The following CAVIN2 variants were observed in gnomAD, a reference collection of about 807,000 sequenced individuals.
CAVIN2 encodes the protein caveolae-associated protein 2.
CAVIN2 carries 13 observed loss-of-function variants against 11.7 expected under a neutral mutation model. The ratio of observed to expected loss-of-function variants is 1.11; its 90% CI spans 0.72 to 1.77. CAVIN2 has a LOEUF of 1.77. CAVIN2 is among the 40% of genes most tolerant of loss of function. The probability of loss-of-function intolerance (pLI) is 0.00; values close to 1 mark genes in which losing one functional copy is unlikely to be tolerated. For synonymous variants in CAVIN2, 237 were observed against 223.2 expected (o/e 1.06, Z -0.55); for missense variants, 549 against 542.9 (o/e 1.01, Z -0.11).
intron 1 of CAVIN2, among the ~76,000 whole-genome samples, chr2:191,838,522 CAA>C (rs1690051980): frequency 6.6e-6 from 1 of 152,020 alleles, no homozygotes; most frequent in African/African-American, 2.4e-5. Context: ...TTGTGTTTCC[CAA>C]AACTCTCTCC....
At position 191,836,235 on chromosome 2, in the gene CAVIN2, C is replaced by T. The variant is rs747134781; in HGVS notation, c.966G>A (p.Glu322=). 3.7e-6 allele frequency: 6 copies of T among 1,614,082 alleles called. No individual in the cohort carries two copies. In the South Asian group the frequency reaches 4.4e-5, roughly 12 times the overall value. Residue 322 remains glutamate (E), a synonymous_variant, in exon 2 of 2, where the codon GAG becomes GAA. Coordinates refer to ENST00000304141, the MANE Select transcript of CAVIN2 (RefSeq NM_004657.6). ...CCTCTTCCTGGTCATTTGGCATCTG[C>T]TCACTGCTAGGCAGGTCTTCTGACT... is the stretch of plus-strand genomic sequence containing the variant. ...ETKSEDLPSS[E]QMPNDQEEES...
At position 191,836,004 on chromosome 2, in the gene CAVIN2, G is replaced by T; in HGVS notation, c.1197C>A (p.Tyr399Ter). The T allele has an allele frequency of 1.9e-6, 3 of 1,614,184 alleles. No individual in the cohort carries two copies. Among genetic ancestry groups the T allele is most frequent in the Non-Finnish European group, 2.5e-6 (3 of 1,180,040 alleles). ...QAQKVRYEGS[Y>*]ALTSEEAERS... ...GCTCCGCCTCCTCGGATGTTAGCGC[G>T]TAGCTACCCTCATAGCGTACCTTCT... Residue 399 changes from tyrosine to a stop codon, truncating the protein, a stop_gained, in exon 2 of 2, where the codon TAC (tyrosine) becomes TAA (stop). Coordinates refer to ENST00000304141, the MANE Select transcript of CAVIN2 (RefSeq NM_004657.6). LOFTEE classifies it low-confidence loss of function (END_TRUNC).
At position 191,836,001 on chromosome 2, in the gene CAVIN2, C is replaced by T. The variant is rs1461030649; in HGVS notation, c.1200G>A (p.Ala400=). The change falls in exon 2 of 2, where the codon GCG becomes GCA. Residue 400 remains alanine (A), a synonymous_variant. Transcript: ENST00000304141. ...AQKVRYEGSY[A]LTSEEAERSD... ...AGCGCTCCGCCTCCTCGGATGTTAG[C>T]GCGTAGCTACCCTCATAGCGTACCT... is the stretch of plus-strand genomic sequence containing the variant. The T allele has an allele frequency of 1.2e-6, 2 of 1,614,216 alleles. No individual in the cohort carries two copies. Among genetic ancestry groups the T allele is most frequent in the South Asian group, 1.1e-5 (1 of 91,078 alleles).
intron 1 of CAVIN2, among the ~76,000 whole-genome samples, chr2:191,842,135 T>A (rs762626204): frequency 2.0e-5 from 3 of 152,242 alleles, no homozygotes; most frequent in Non-Finnish European, 4.4e-5. Flanking sequence ...GTTACACTTT[T>A]AGCGTCTCTC....
chr2:191,844,790 C>G (rs929052907), intron 1 of CAVIN2, among the ~76,000 whole-genome samples: 3 of 152,098 alleles, frequency 2.0e-5, no homozygotes, highest in Non-Finnish European at 2.9e-5. Flanking sequence ...ATCCCTCCCC[C>G]CAACATCTGC....
In CAVIN2 at chr2:191,847,028, C is replaced by G. The variant is rs1045939158; in HGVS notation, c.-103G>C. On this transcript the variant is annotated 5_prime_UTR_variant, in exon 1 of 2. Coordinates refer to ENST00000304141, the MANE Select transcript of CAVIN2 (RefSeq NM_004657.6). ...AGGATGAGGCCCGCTGGTTGGAGCT[C>G]AGGGCACCAGTCTCCAGGACTGGCA... The G allele has an allele frequency of 7.7e-6, 11 of 1,432,254 alleles. No individual in the cohort carries two copies. In the Admixed American group the frequency reaches 2.6e-4, roughly 33 times the overall value. The allele number at this position is 1,432,254 out of a possible 1,614,324, so 88.7% of individuals were successfully genotyped here.
intron 1 of CAVIN2, among the ~76,000 whole-genome samples, chr2:191,840,652 G>A (rs1170689043): frequency 6.6e-6 from 1 of 152,164 alleles, no homozygotes; most frequent in Non-Finnish European, 1.5e-5. Context: ...AGACAAACTT[G>A]CTAACATGCT....
rs1690054283 is a variant in CAVIN2 at position 191,838,697 on chromosome 2, C to T, written c.484-1980G>A. On this transcript the variant is annotated intron_variant, in intron 1 of 1. Transcript: ENST00000304141. ...TTCAAGTTGCGGTTGCCTCTAGTTCCCCGGAGTGTACTCCCCATGAGGGCA... is the reference window on the plus strand; with the variant it reads ...TTCAAGTTGCGGTTGCCTCTAGTTCTCCGGAGTGTACTCCCCATGAGGGCA... Among the ~76,000 whole-genome samples, 3 of 152,198 alleles carry T rather than the reference C, an allele frequency of 2.0e-5. No individual in the cohort carries two copies. The South Asian group carries it at 6.2e-4, about 32-fold the overall frequency.
At chr2:191,842,204 C>T (rs942603447) in intron 1 of CAVIN2, among the ~76,000 whole-genome samples, 3 of 152,204 alleles carry the variant, frequency 2.0e-5, no homozygotes, top group Non-Finnish European at 2.9e-5. Context: ...CATTTATAGG[C>T]TCCATTCTCC....
At chr2:191,844,643 A>T (rs569204165) in intron 1 of CAVIN2, among the ~76,000 whole-genome samples, 2 of 152,084 alleles carry the variant, frequency 1.3e-5, no homozygotes, top group Non-Finnish European at 2.9e-5. Context: ...CTGCAATTTC[A>T]CACCTGTCAA....
intron 1 of CAVIN2, among the ~76,000 whole-genome samples, chr2:191,840,757 T>C (rs1363331902): frequency 6.6e-6 from 1 of 152,206 alleles, no homozygotes; most frequent in Non-Finnish European, 1.5e-5. Context: ...GAAGACTCTA[T>C]GACTCTCCTT....
In CAVIN2 at chr2:191,835,292, A is replaced by C. The variant is rs188141998; in HGVS notation, c.*631T>G. ...CCAAATTTTCTTTCTTACTTTTTGA[A>C]TAGTCCTGACTTTACTACGTATCTT... On this transcript the variant is annotated 3_prime_UTR_variant, in exon 2 of 2. Transcript: ENST00000304141. 6.6e-6 allele frequency: 1 copy of C among 152,084 alleles called. No homozygotes were observed. Among genetic ancestry groups the C allele is most frequent in the East Asian group, 1.9e-4 (1 of 5,170 alleles). 9.4% of individuals were successfully genotyped at this position (152,084 alleles called of 1,614,324 possible). A position where few individuals can be genotyped will look rare whatever the true frequency, so the allele number is the denominator to read the frequency against.
At position 191,836,818 on chromosome 2, in the gene CAVIN2, TAA is replaced by T; in HGVS notation, c.484-103_484-102del. On this transcript the variant is annotated intron_variant, in intron 1 of 1. Transcript: ENST00000304141. Reference sequence around the variant, plus strand: ...GTCTGTTTTGGAGACACGGTGATGGTAAAAAAACAAATGTTTGTGGCTTGAGT... The same window carrying T: ...GTCTGTTTTGGAGACACGGTGATGGTAAAAACAAATGTTTGTGGCTTGAGT... The T allele has an allele frequency of 2.7e-6, 3 of 1,123,402 alleles. No individual in the cohort carries two copies. In the South Asian group the frequency reaches 5.0e-5, roughly 19 times the overall value. The allele number at this position is 1,123,402 out of a possible 1,614,324, so 69.6% of individuals were successfully genotyped here. A position where few individuals can be genotyped will look rare whatever the true frequency, so the allele number is the denominator to read the frequency against.
Position 191,846,555 on chromosome 2 carries a change from T to C in CAVIN2, c.371A>G (p.His124Arg). The C allele has an allele frequency of 6.2e-7, 1 of 1,614,260 alleles. No homozygotes were observed. The highest frequency in any genetic ancestry group is 1.3e-5 in the African/African-American group (1 of 75,062). The change falls in exon 1 of 2, where the codon CAC becomes CGC. Residue 124 changes from histidine (H) to arginine (R), a missense_variant. By Grantham distance (29) the His-to-Arg change is conservative. Coordinates refer to ENST00000304141, the MANE Select transcript of CAVIN2 (RefSeq NM_004657.6). ...LLEKSRKVSA[H>R]TRAVKERMDR... ...CATGCGCTCTTTGACCGCGCGCGTGTGGGCGCTGACCTTGCGGGACTTCTC... is the reference window on the plus strand; with the variant it reads ...CATGCGCTCTTTGACCGCGCGCGTGCGGGCGCTGACCTTGCGGGACTTCTC...
At position 191,835,262 on chromosome 2, in the gene CAVIN2, A is replaced by G. The variant is rs1386102246; in HGVS notation, c.*661T>C. ...GCATTCTTTGTTTCCTGTTTCTCTC[A>G]TTTTCCAAATTTTCTTTCTTACTTT... On this transcript the variant is annotated 3_prime_UTR_variant, in exon 2 of 2. Coordinates refer to ENST00000304141, the MANE Select transcript of CAVIN2 (RefSeq NM_004657.6). The G allele has an allele frequency of 6.6e-6, 1 of 151,496 alleles. No individual in the cohort carries two copies. The highest frequency in any genetic ancestry group is 1.5e-5 in the Non-Finnish European group (1 of 67,828). 9.4% of individuals were successfully genotyped at this position (151,496 alleles called of 1,614,324 possible). A position where few individuals can be genotyped will look rare whatever the true frequency, so the allele number is the denominator to read the frequency against.
At chr2:191,843,516 C>A (rs1407811181) in intron 1 of CAVIN2, among the ~76,000 whole-genome samples, 1 of 152,170 alleles carries the variant, frequency 6.6e-6, no homozygotes, top group African/African-American at 2.4e-5. Flanking sequence ...AGGAAGCAGT[C>A]CCCTTATGCT....
At position 191,835,823 on chromosome 2, in the gene CAVIN2, C is replaced by G. The variant is rs1035140520; in HGVS notation, c.*100G>C. 2.6e-6 allele frequency: 3 copies of G among 1,169,536 alleles called. No homozygotes were observed. The highest frequency in any genetic ancestry group is 4.8e-5 in the Admixed American group (2 of 41,944). 72.4% of individuals were successfully genotyped at this position (1,169,536 alleles called of 1,614,324 possible). On this transcript the variant is annotated 3_prime_UTR_variant, in exon 2 of 2. Transcript: ENST00000304141. ...TCAATGATTACTGCCTGGACAGGAA[C>G]GCAGGAGTGGGTGAGTCGTGCTGGA...
At chr2:191,844,943 T>A (rs1284282240) in intron 1 of CAVIN2, among the ~76,000 whole-genome samples, 3 of 152,158 alleles carry the variant, frequency 2.0e-5, no homozygotes, top group African/African-American at 7.2e-5. Flanking sequence ...AGCAGGAAAA[T>A]TTCCTTTGGT....
chr2:191,836,330 T>C lies in CAVIN2; in HGVS notation c.871A>G (p.Lys291Glu), dbSNP rs1367495393. ...KISSGKSSPF[K>E]VSPLTFGRKK... is the part of the protein sequence containing the mutation. ...CGCCCGAAAGTGAGGGGAGAAACCT[T>C]GAAGGGGGAGCTTTTTCCTGAGGAT... The change falls in exon 2 of 2, where the codon AAG (lysine) becomes GAG (glutamate). Residue 291 changes from lysine to glutamate, a missense_variant. Transcript: ENST00000304141. 1.2e-6 allele frequency: 2 copies of C among 1,614,158 alleles called. No homozygotes were observed. Among genetic ancestry groups the C allele is most frequent in the Non-Finnish European group, 1.7e-6 (2 of 1,180,026 alleles).
Sources: gnomAD v4.1 joint callset for allele counts (sites outside exome capture counted in the v4.1 genomes callset) on GRCh38, gnomAD v4.1.1 for gene constraint, MANE v1.5 for transcripts, NCBI Gene and HGNC (gene_info 2026-07-23, HGNC 2026-07-21) for gene names.